The following ACP6 variants were observed in gnomAD, a reference collection of about 807,000 sequenced individuals.
ACP6 encodes acid phosphatase 6, lysophosphatidic.
In ACP6, 48 loss-of-function variants were observed where a neutral mutation model predicts 48.1. The ratio of observed to expected loss-of-function variants is 1.00; its 90% CI spans 0.79 to 1.27. The LOEUF (loss-of-function observed/expected upper bound fraction) is 1.27, where lower values mean the gene tolerates loss of function less well. Ranked by LOEUF, ACP6 falls within the 50% of genes most tolerant of loss-of-function variation. The pLI, the probability that ACP6 is intolerant of heterozygous loss-of-function variation, is 0.00. For synonymous variants in ACP6, 172 were observed against 204.2 expected (o/e 0.84, Z 1.34); for missense variants, 485 against 529.1 (o/e 0.92, Z 0.82).
At chr1:147,647,932 A>C (rs1405463743) in intron 9 of ACP6, 1 of 485,706 alleles carries the variant, frequency 2.1e-6, no homozygotes, top group Admixed American at 3.6e-5. Flanking sequence ...GATACCACCA[A>C]CAATCTCCAA....
intron 1 of ACP6, among the ~76,000 whole-genome samples, chr1:147,664,822 C>A (rs1660719678): frequency 1.3e-5 from 2 of 152,136 alleles, no homozygotes; most frequent in African/African-American, 2.4e-5. Context: ...CATATGAAGG[C>A]CATAGCAGTT....
rs1198865535 is a variant in ACP6 at position 147,656,600 on chromosome 1, C to T, written c.560-1352G>A. 2.0e-5 allele frequency among the ~76,000 whole-genome samples: 3 copies of T among 152,204 alleles called. No individual in the cohort carries two copies. The East Asian group carries it at 5.8e-4, about 29-fold the overall frequency. On this transcript the variant is annotated intron_variant, in intron 4 of 9. Transcript: ENST00000583509. ...GAACCAAGACTGCCAGAGTTTGAAT[C>T]CTAATTCCACCATTTACCAGTTTTG...
chr1:147,651,421 C>G (rs1285158459), intron 7 of ACP6: 2 of 152,138 alleles, frequency 1.3e-5, no homozygotes, highest in African/African-American at 2.4e-5. Flanking sequence ...TCTTTGGTTG[C>G]TTCATGTTAC....
Position 147,643,094 on chromosome 1 carries a change from T to A in ACP6, c.*4329A>T, listed in dbSNP as rs1553209021. The A allele has an allele frequency of 6.6e-6, 1 of 152,204 alleles. No individual in the cohort carries two copies. Among genetic ancestry groups the A allele is most frequent in the Admixed American group, 6.5e-5 (1 of 15,288 alleles). 9.4% of individuals were successfully genotyped at this position (152,204 alleles called of 1,614,324 possible). On this transcript the variant is annotated 3_prime_UTR_variant, in exon 10 of 10. Coordinates refer to ENST00000583509, the MANE Select transcript of ACP6 (RefSeq NM_016361.5). ...GTCATATTGGATTACAGCCTACCCA[T>A]ATGACCTCATTTACTTTACCTCTTA...
chr1:147,639,927 T>A (rs1169099453), downstream of ACP6, among the ~76,000 whole-genome samples: 1 of 152,140 alleles, frequency 6.6e-6, no homozygotes, highest in Non-Finnish European at 1.5e-5. Flanking sequence ...CTCCCTTTAC[T>A]GCTTGACTTA....
intron 8 of ACP6, chr1:147,649,882 G>T: frequency 2.0e-6 from 1 of 494,556 alleles, no homozygotes; most frequent in Non-Finnish European, 3.5e-6. Flanking sequence ...ATCATAATTG[G>T]CTACTGTTTG....
At chr1:147,658,206 T>C (rs1553212037) in intron 4 of ACP6, among the ~76,000 whole-genome samples, 1 of 152,246 alleles carries the variant, frequency 6.6e-6, no homozygotes, top group Non-Finnish European at 1.5e-5. Context: ...TTATTTTACA[T>C]ATTTCTTAAA....
chr1:147,652,642 C>A (rs782142661), intron 6 of ACP6, 93 bp from the exon 7 acceptor site: 3 of 1,606,724 alleles, frequency 1.9e-6, no homozygotes, highest in Non-Finnish European at 2.5e-6. Flanking sequence ...AGGAGCCCAT[C>A]TTCTCCTGGG....
chr1:147,650,110 A>G, intron 8 of ACP6, 33 bp downstream of exon 8: 3 of 1,583,216 alleles, frequency 1.9e-6, no homozygotes, highest in Non-Finnish European at 2.6e-6. Context: ...CACGGCCCTT[A>G]GCTGCACAAA....
chr1:147,656,176 C>T (rs1453194664), intron 4 of ACP6, among the ~76,000 whole-genome samples: 1 of 152,168 alleles, frequency 6.6e-6, no homozygotes, highest in East Asian at 1.9e-4. Flanking sequence ...CATCGTTGGT[C>T]TGGACAGAAG....
intron 8 of ACP6, 76 bp from the exon 9 acceptor site, chr1:147,648,487 G>GTT: frequency 1.3e-6 from 2 of 1,535,588 alleles, no homozygotes; most frequent in Non-Finnish European, 1.8e-6. Context: ...CCTCCTTTAC[G>GTT]TAAGACACAC....
intron 6 of ACP6, among the ~76,000 whole-genome samples, chr1:147,652,827 T>C (rs1042579625): frequency 3.4e-4 from 4 of 11,658 alleles, no homozygotes; most frequent in Non-Finnish European, 5.8e-4. Context: ...GCATTTTTGT[T>C]GTTTTTTTGG....
chr1:147,663,628 C>A (rs587688424), intron 1 of ACP6, among the ~76,000 whole-genome samples: 44 of 152,164 alleles, frequency 2.9e-4, no homozygotes, highest in African/African-American at 9.6e-4. Context: ...CTGGGCAACA[C>A]AGCAAGACCC....
intron 4 of ACP6, among the ~76,000 whole-genome samples, chr1:147,655,668 C>T (rs1471738397): frequency 6.6e-6 from 1 of 152,164 alleles, no homozygotes; most frequent in East Asian, 1.9e-4. Flanking sequence ...CTATAGGCCA[C>T]TATGGTGACT....
intron 6 of ACP6, 99 bp from the exon 7 acceptor site, chr1:147,652,648 C>T (rs1553210790): frequency 1.2e-6 from 2 of 1,605,442 alleles, no homozygotes; most frequent in African/African-American, 1.3e-5. Context: ...CCATCTTCTC[C>T]TGGGGAAGAG....
chr1:147,667,008 G>A (rs782545055), intron 1 of ACP6, among the ~76,000 whole-genome samples: 7 of 152,116 alleles, frequency 4.6e-5, no homozygotes, highest in Non-Finnish European at 8.8e-5. Context: ...CCTGGGTGGA[G>A]GCCATCTTGA....
chr1:147,630,095 AG>A (rs1446905036), exon 6 of ACP6: 1 of 152,246 alleles, frequency 6.6e-6, no homozygotes, highest in Non-Finnish European at 1.5e-5. Flanking sequence ...ATACCTGCTT[AG>A]TGTCCACGAA....
chr1:147,640,180 T>C (rs1342509820), downstream of ACP6, among the ~76,000 whole-genome samples: 1 of 152,124 alleles, frequency 6.6e-6, no homozygotes, highest in Non-Finnish European at 1.5e-5. Context: ...TCACCATCCT[T>C]CCATGTGGAT....
chr1:147,640,966 C>T (rs1553208557), downstream of ACP6, among the ~76,000 whole-genome samples: 1 of 152,054 alleles, frequency 6.6e-6, no homozygotes, highest in Non-Finnish European at 1.5e-5. Context: ...CAGCCATCTC[C>T]CCGGGGAATT....
Sources: gnomAD v4.1 joint callset for allele counts (sites outside exome capture counted in the v4.1 genomes callset) on GRCh38, gnomAD v4.1.1 for gene constraint, MANE v1.5 for transcripts, NCBI Gene and HGNC (gene_info 2026-07-23, HGNC 2026-07-21) for gene names.